USP39: variants seen among roughly 807,000 people sequenced by gnomAD.
The protein encoded by USP39 is ubiquitin carboxyl-terminal hydrolase 39.
In USP39, 38 loss-of-function variants were observed where a neutral mutation model predicts 66.4. The observed-to-expected ratio is 0.57, with a 90% CI of 0.44 to 0.75. The LOEUF (loss-of-function observed/expected upper bound fraction) is 0.75. USP39 is among the 30% of genes least tolerant of loss of function. The pLI is 0.00. For missense variants in USP39, 608 were observed against 714.4 expected (o/e 0.85, Z 1.70); for synonymous variants, 303 against 274.6 (o/e 1.10, Z -1.02).
upstream of USP39, chr2:85,611,574 C>T (rs1339280560): frequency 6.4e-7 from 1 of 1,551,192 alleles, no homozygotes; most frequent in South Asian, 1.2e-5. Flanking sequence ...TGAGCTGAAC[C>T]TTAGGAGTAA....
At chr2:85,638,524 T>TTTAA (rs59485830) in intron 8 of USP39, among the ~76,000 whole-genome samples, 1 of 147,078 alleles carries the variant, frequency 6.8e-6, no homozygotes, top group East Asian at 1.9e-4. Flanking sequence ...TTTTGTTTAA[T>TTTAA]TTAATTAATT....
chr2:85,630,586 G>C (rs1453759693), intron 5 of USP39, 135 bp from the exon 6 acceptor site: 1 of 732,728 alleles, frequency 1.4e-6, no homozygotes, highest in African/African-American at 1.8e-5. Flanking sequence ...ATTCTCCAAG[G>C]GTCCATTTAC....
chr2:85,607,776 A>G (rs1278946251), upstream of USP39: 3 of 152,226 alleles, frequency 2.0e-5, no homozygotes, highest in African/African-American at 4.8e-5. Flanking sequence ...TTAGGCTGAT[A>G]TGCTGGAAAA....
At chr2:85,622,516 T>C (rs888360550) in intron 3 of USP39, among the ~76,000 whole-genome samples, 4 of 152,140 alleles carry the variant, frequency 2.6e-5, no homozygotes, top group South Asian at 4.2e-4. Flanking sequence ...CCTCCCAAAG[T>C]GCTGGGATTA....
intron 6 of USP39, among the ~76,000 whole-genome samples, chr2:85,635,385 C>T (rs1476788911): frequency 6.6e-6 from 1 of 152,080 alleles, no homozygotes; most frequent in East Asian, 1.9e-4. Context: ...CATGGTGAAG[C>T]CCCGTCTCTA....
At chr2:85,603,825 C>T (rs1673106426) in intron 1 of USP39, among the ~76,000 whole-genome samples, 1 of 152,134 alleles carries the variant, frequency 6.6e-6, no homozygotes, top group Admixed American at 6.5e-5. Flanking sequence ...GATCTCCTGA[C>T]CTCGTGATCC....
chr2:85,622,470 T>TGA (rs1352485500), intron 3 of USP39, among the ~76,000 whole-genome samples: 1 of 152,046 alleles, frequency 6.6e-6, no homozygotes, highest in African/African-American at 2.4e-5. Context: ...AGGCTAGTCT[T>TGA]GAAATTCCTG....
intron 3 of USP39, among the ~76,000 whole-genome samples, chr2:85,622,528 A>G (rs1244112837): frequency 2.6e-5 from 4 of 151,614 alleles, no homozygotes; most frequent in African/African-American, 9.7e-5. Flanking sequence ...CTGGGATTAT[A>G]GATGTGAGCC....
At chr2:85,614,898 T>C (rs1285136758), upstream of USP39, among the ~76,000 whole-genome samples, 1 of 152,210 alleles carries the variant, frequency 6.6e-6, no homozygotes, top group Non-Finnish European at 1.5e-5. Flanking sequence ...CTCATTTTCC[T>C]AACCCTCACT....
At chr2:85,612,323 T>C (rs955150809), upstream of USP39, 14 of 1,535,966 alleles carry the variant, frequency 9.1e-6, no homozygotes, top group African/African-American at 1.8e-4. Context: ...ATAACACAAC[T>C]CGATGCTTAC....
In USP39 at chr2:85,616,266, G is replaced by T; in HGVS notation, c.71G>T (p.Ser24Ile). ...RGKRESESRG[S>I]SGRVKRERDR... ...AAGCGAGAGTCTGAGTCGCGGGGCA[G>T]CTCCGGTCGCGTCAAGCGGGAGCGA... Residue 24 changes from serine (S) to isoleucine (I), a missense_variant, in exon 1 of 13, where the codon AGC becomes ATC. Physicochemically the swap from Ser to Ile is moderately radical, Grantham distance 142 (BLOSUM62 -2). Around this residue, in one of 6 missense-constraint regions of USP39, gnomAD observed 207 missense variants for 145.7 expected, o/e 1.42. Coordinates refer to ENST00000323701, the MANE Select transcript of USP39 (RefSeq NM_006590.4). 1 of 1,540,230 alleles carries T rather than the reference G, an allele frequency of 6.5e-7. No homozygotes were observed. The highest frequency in any genetic ancestry group is 1.4e-5 in the African/African-American group (1 of 71,614).
At chr2:85,612,052 T>G (rs1394214495), upstream of USP39, 2 of 1,207,680 alleles carry the variant, frequency 1.7e-6, no homozygotes, top group Non-Finnish European at 2.2e-6. Flanking sequence ...CCCACAGAGC[T>G]CCGCGCCGCC....
Position 85,625,635 on chromosome 2 carries a change from G to A in USP39, c.667G>A (p.Gly223Ser). ...RAYDGTTYLPGIVGLNNIKAN... is the reference protein window; with the variant it reads ...RAYDGTTYLPSIVGLNNIKAN... ...ATATGATGGTACCACTTACCTGCCG[G>A]GTATTGTGGGACTGAATAACATAAA... The change falls in exon 5 of 13, where the codon GGT becomes AGT. Residue 223 changes from glycine (G) to serine (S), a missense_variant. Around this residue, in one of 6 missense-constraint regions of USP39, gnomAD observed 115 missense variants for 198.6 expected, o/e 0.58. Transcript: ENST00000323701. The A allele has an allele frequency of 6.2e-7, 1 of 1,613,962 alleles. No individual in the cohort carries two copies. The highest frequency in any genetic ancestry group is 8.5e-7 in the Non-Finnish European group (1 of 1,179,940).
upstream of USP39, chr2:85,609,472 G>C: frequency 3.1e-6 from 5 of 1,614,226 alleles, no homozygotes; most frequent in Non-Finnish European, 4.2e-6. Flanking sequence ...TCCACTGTCT[G>C]CCTCGTATTC....
At chr2:85,621,347 C>T (rs1438803963) in intron 2 of USP39, 138 bp from the exon 3 acceptor site, 11 of 666,102 alleles carry the variant, frequency 1.7e-5, no homozygotes, top group African/African-American at 3.6e-5. Context: ...ATCAGTGTCC[C>T]CCATGGTGTA....
At chr2:85,627,673 CCTGTGGTCCTAG>C (rs1392736178) in intron 5 of USP39, among the ~76,000 whole-genome samples, 2 of 151,874 alleles carry the variant, frequency 1.3e-5, no homozygotes, top group Admixed American at 6.6e-5. Context: ...TGCATGCATG[CCTGTGGTCCTAG>C]CTGTTTGGGA....
At chr2:85,618,803 CTT>C (rs751830591) in intron 1 of USP39, among the ~76,000 whole-genome samples, 3 of 150,736 alleles carry the variant, frequency 2.0e-5, no homozygotes, top group South Asian at 4.2e-4. Context: ...GAGTTTTGCT[CTT>C]GTCGCCCAGG....
intron 6 of USP39, among the ~76,000 whole-genome samples, chr2:85,633,983 G>A (rs535704324): frequency 3.6e-4 from 53 of 149,026 alleles, no homozygotes; most frequent in Admixed American, 1.3e-3. Flanking sequence ...GACTACAGGC[G>A]CCCGCCACTA....
intron 1 of USP39, among the ~76,000 whole-genome samples, chr2:85,604,614 C>T (rs1174492529): frequency 6.6e-6 from 1 of 152,150 alleles, no homozygotes; most frequent in African/African-American, 2.4e-5. Flanking sequence ...CTGAATAAAC[C>T]AGTGGGGGAT....
Sources: allele counts gnomAD v4.1 joint callset (sites outside exome capture counted in the v4.1 genomes callset), GRCh38; gene constraint gnomAD v4.1.1; regional missense constraint gnomAD v4.1.1; transcripts MANE v1.5; gene names NCBI Gene and HGNC (gene_info 2026-07-23, HGNC 2026-07-21).